Variants in ATIC observed in about 807,000 individuals in gnomAD.
The protein encoded by ATIC is 5-aminoimidazole-4-carboxamide ribonucleotide formyltransferase/IMP cyclohydrolase.
In ATIC, 64 loss-of-function variants were observed where a neutral mutation model predicts 72.5. The observed-to-expected ratio is 0.88, with a 90% CI of 0.72 to 1.09. The LOEUF is 1.09. Ranked by LOEUF, ATIC falls within the 50% of genes least tolerant of loss-of-function variation. The probability of loss-of-function intolerance (pLI) is 0.00; values close to 1 mark genes in which losing one functional copy is unlikely to be tolerated. For missense variants in ATIC, 787 were observed against 732.4 expected (o/e 1.07, Z -0.86); for synonymous variants, 281 against 267.1 (o/e 1.05, Z -0.51).
downstream of ATIC, among the ~76,000 whole-genome samples, chr2:215,350,029 A>T (rs2053117981): frequency 6.6e-6 from 1 of 152,178 alleles, no homozygotes; most frequent in Admixed American, 6.5e-5. Flanking sequence ...TATTGATGTA[A>T]ATTACCTAGA....
intron 11 of ATIC, 64 bp downstream of exon 11, chr2:215,336,188 T>C: frequency 8.1e-7 from 1 of 1,229,274 alleles, no homozygotes; most frequent in Non-Finnish European, 1.2e-6. Flanking sequence ...TTCTCCCTTG[T>C]TTACTCTTTC....
rs1370261936 is a variant in ATIC, at chr2:215,336,073, A to C, written c.1047A>C (p.Glu349Asp). ...DGIIAPGYEE[E>D]ALTILSKKKN... Reference sequence around the variant, plus strand: ...TAATTGCCCCAGGATATGAAGAAGAAGCCTTGACAATACTTTCCAAAAAGA... The same window carrying C: ...TAATTGCCCCAGGATATGAAGAAGACGCCTTGACAATACTTTCCAAAAAGA... Residue 349 changes from glutamate to aspartate, a missense_variant, in exon 11 of 16, where the codon GAA (glutamate) becomes GAC (aspartate). By Grantham distance (45) the Glu-to-Asp change is conservative. Transcript: ENST00000236959. 1.9e-6 allele frequency: 3 copies of C among 1,613,096 alleles called. No individual in the cohort carries two copies. The highest frequency in any genetic ancestry group is 2.5e-6 in the Non-Finnish European group (3 of 1,179,468).
chr2:215,334,946 A>C lies in ATIC; in HGVS notation c.950A>C (p.Asp317Ala), dbSNP rs1211472012. The change falls in exon 10 of 16, where the codon GAT becomes GCT. Residue 317 changes from aspartate to alanine, a missense_variant. Physicochemically the swap from Asp to Ala is moderately radical, Grantham distance 126. Transcript: ENST00000236959. ...GCTGATAGGATGTCTTCATTTGGTGATTTTGTTGCATTGTCCGATGTTTGT... is the reference window on the plus strand; with the variant it reads ...GCTGATAGGATGTCTTCATTTGGTGCTTTTGTTGCATTGTCCGATGTTTGT... ...RGADRMSSFG[D>A]FVALSDVCDV... The C allele has an allele frequency of 6.2e-7, 1 of 1,613,644 alleles. No homozygotes were observed. The highest frequency in any genetic ancestry group is 8.5e-7 in the Non-Finnish European group (1 of 1,179,760).
At chr2:215,323,923 T>C (rs113656747) in intron 4 of ATIC, among the ~76,000 whole-genome samples, 3,165 of 152,222 alleles carry the variant, frequency 0.021, 100 homozygotes, top group African/African-American at 0.072. Context: ...CCACCTTGCC[T>C]GGCTAATTTT....
At chr2:215,333,856 C>CA (rs1342068245) in intron 9 of ATIC, among the ~76,000 whole-genome samples, 1 of 151,822 alleles carries the variant, frequency 6.6e-6, no homozygotes, top group East Asian at 2.0e-4. Flanking sequence ...TCCTGGCTAA[C>CA]ACGGTGAAAC....
At chr2:215,344,936 G>A (rs911773521) in intron 13 of ATIC, 65 bp downstream of exon 13, 109 of 1,485,022 alleles carry the variant, frequency 7.3e-5, no homozygotes, top group Non-Finnish European at 8.9e-5. Flanking sequence ...TTAAACATCC[G>A]TCTGCCTTAG....
chr2:215,361,521 A>G, the ATIC span: 27 of 1,416,714 alleles, frequency 1.9e-5, no homozygotes, highest in East Asian at 5.7e-4. Context: ...CTTGGCAGAG[A>G]GACATGCTTG....
At chr2:215,342,502 G>A (rs7586969) in intron 12 of ATIC, among the ~76,000 whole-genome samples, 86,573 of 151,980 alleles carry the variant, frequency 0.57, 26,444 homozygotes, top group East Asian at 1. Context: ...GATAACAGTT[G>A]AAGACACAGG....
intron 2 of ATIC, among the ~76,000 whole-genome samples, chr2:215,314,813 A>T (rs1412715822): frequency 1.3e-5 from 2 of 152,140 alleles, no homozygotes; most frequent in Non-Finnish European, 2.9e-5. Context: ...TAGGGGTGGA[A>T]AGGTGTGATC....
intron 11 of ATIC, 24 bp downstream of exon 11, chr2:215,336,148 C>T (rs1324750784): frequency 9.8e-6 from 15 of 1,528,572 alleles, no homozygotes; most frequent in African/African-American, 9.6e-5. Context: ...ATGTTTGAAG[C>T]GGTAATTTGC....
chr2:215,364,544 G>T, the ATIC span: 1 of 394,928 alleles, frequency 2.5e-6, no homozygotes, highest in East Asian at 5.4e-5. Context: ...AGTGTAAATA[G>T]TATCTCTGAC....
At chr2:215,346,623 T>C in intron 13 of ATIC, 136 bp from the exon 14 acceptor site, 1 of 994,612 alleles carries the variant, frequency 1.0e-6, no homozygotes, top group South Asian at 1.4e-5. Flanking sequence ...AAAAATTATT[T>C]ATATTTCTCT....
At chr2:215,346,577 TAAAC>T (rs1473454201) in intron 13 of ATIC, among the ~76,000 whole-genome samples, 178 bp from the exon 14 acceptor site, 1 of 152,164 alleles carries the variant, frequency 6.6e-6, no homozygotes, top group Non-Finnish European at 1.5e-5. Flanking sequence ...ATAGTAGTTA[TAAAC>T]AAACCTCTTA....
the ATIC span, chr2:215,367,787 C>A: frequency 6.9e-7 from 1 of 1,449,774 alleles, no homozygotes; most frequent in Admixed American, 1.7e-5. Flanking sequence ...TCCAAACATG[C>A]TTCCTTGGCA....
chr2:215,349,299 A>G, intron 15 of ATIC, 50 bp downstream of exon 15: 1 of 1,611,666 alleles, frequency 6.2e-7, no homozygotes, highest in Non-Finnish European at 8.5e-7. Context: ...TTATGTAGAA[A>G]CTGTTTCAGA....
chr2:215,325,242 G>C lies in ATIC; in HGVS notation c.292G>C (p.Val98Leu), dbSNP rs568677758. The change falls in exon 5 of 16, where the codon GTT becomes CTT. Residue 98 changes from valine (V) to leucine (L), a missense_variant and splice_region_variant. Val to Leu is a conservative substitution (Grantham distance 32). Coordinates refer to ENST00000236959, the MANE Select transcript of ATIC (RefSeq NM_004044.7). ...MARLDFNLIR[V>L]VACNLYPFVK... ...GCCAGATTCGTCTTTGTTTTATAGA[G>C]TTGTTGCCTGCAATCTCTATCCCTT... The C allele has an allele frequency of 6.2e-7, 1 of 1,613,082 alleles. No individual in the cohort carries two copies. The highest frequency in any genetic ancestry group is 1.3e-5 in the African/African-American group (1 of 74,998).
chr2:215,349,472 G>T, intron 15 of ATIC, 64 bp from the exon 16 acceptor site: 1 of 1,611,834 alleles, frequency 6.2e-7, no homozygotes, highest in Admixed American at 1.7e-5. Flanking sequence ...TTTTAGAGGG[G>T]GATTTTGAGT....
rs951055955 is a variant in ATIC, at chr2:215,326,849, G to A, written c.559G>A (p.Glu187Lys). ...ATTCACTCATACGGCACAATATGAT[G>A]AAGCAATTTCAGATTATTTCAGGAA... ...KAFTHTAQYD[E>K]AISDYFRKQY... is the part of the protein sequence containing the mutation. The change falls in exon 7 of 16, where the codon GAA becomes AAA. Residue 187 changes from glutamate to lysine, a missense_variant. Coordinates refer to ENST00000236959, the MANE Select transcript of ATIC (RefSeq NM_004044.7). The A allele has an allele frequency of 6.2e-6, 10 of 1,613,968 alleles. No individual in the cohort carries two copies. The highest frequency in any genetic ancestry group is 8.5e-6 in the Non-Finnish European group (10 of 1,180,036).
intron 2 of ATIC, 97 bp from the exon 3 acceptor site, chr2:215,318,060 C>A: frequency 1.8e-6 from 2 of 1,117,144 alleles, no homozygotes; most frequent in Non-Finnish European, 2.7e-6. Flanking sequence ...TGAATTCAGG[C>A]TCAAAATCTC....
Sources: gnomAD v4.1 joint callset for allele counts (sites outside exome capture counted in the v4.1 genomes callset) on GRCh38, gnomAD v4.1.1 for gene constraint, MANE v1.5 for transcripts, NCBI Gene and HGNC (gene_info 2026-07-23, HGNC 2026-07-21) for gene names.